Variants in MPND observed in about 807,000 individuals in gnomAD.
MPND encodes MPN domain-containing protein.
MPND carries 56 observed loss-of-function variants against 59.2 expected under a neutral mutation model. The ratio of observed to expected loss-of-function variants is 0.95; its 90% confidence interval spans 0.76 to 1.18. MPND has a LOEUF of 1.18. Ranked by LOEUF, MPND falls within the 50% of genes most tolerant of loss-of-function variation. The probability of loss-of-function intolerance (pLI) is 0.00; values close to 1 mark genes in which losing one functional copy is unlikely to be tolerated. For missense variants in MPND, 671 were observed against 676.0 expected, an observed-to-expected ratio of 0.99 and a Z score of 0.08; for synonymous variants, 323 against 291.9, an observed-to-expected ratio of 1.11 and a Z score of -1.09.
At chr19:4,356,038 G>T (rs1215049952) in intron 8 of MPND, among the ~76,000 whole-genome samples, 1 of 150,760 alleles carries the variant, frequency 6.6e-6, no homozygotes, top group African/African-American at 2.4e-5. Flanking sequence ...ATTTTTAGTT[G>T]AGACAGGGTT....
chr19:4,359,530 C>A (rs1296047361), intron 12 of MPND, among the ~76,000 whole-genome samples: 6 of 152,130 alleles, frequency 3.9e-5, no homozygotes, highest in Admixed American at 1.3e-4. Context: ...TCCTGGCCAC[C>A]CCTGAGTGTC....
chr19:4,359,317 T>C, intron 12 of MPND, 62 bp downstream of exon 12: 1 of 1,289,978 alleles, frequency 7.8e-7, no homozygotes, highest in South Asian at 1.2e-5. Flanking sequence ...CTGGGCAGCC[T>C]AAAAGGTGGC....
At position 4,358,250 on chromosome 19, in the gene MPND, C is replaced by T. The variant is rs934381443; in HGVS notation, c.1326+78C>T. ...CACGATGCGTTGGTCTGCTTCCCACCGGTGGGCTTGGGAAGCTATGGCTGG... is the reference window on the plus strand; with the variant it reads ...CACGATGCGTTGGTCTGCTTCCCACTGGTGGGCTTGGGAAGCTATGGCTGG... On this transcript the variant is annotated intron_variant, in intron 11 of 12. Coordinates refer to ENST00000599840, the MANE Select transcript of MPND (RefSeq NM_001300862.2). 95 of 1,325,354 alleles carry T rather than the reference C, an allele frequency of 7.2e-5. No homozygotes were observed. In the East Asian group the frequency reaches 9.8e-4, roughly 14 times the overall value. 82.1% of individuals were successfully genotyped at this position (1,325,354 alleles called of 1,614,324 possible).
At chr19:4,359,811 C>A in intron 12 of MPND, 105 bp from the exon 13 acceptor site, 1 of 885,304 alleles carries the variant, frequency 1.1e-6, no homozygotes. Flanking sequence ...GTGCCTCGGT[C>A]TCAGGGGGGC....
At chr19:4,353,810 A>C in intron 4 of MPND, 1 of 479,270 alleles carries the variant, frequency 2.1e-6, no homozygotes. Flanking sequence ...CAATCCTCTC[A>C]CCTCAGCTTC....
At chr19:4,359,130 G>A in intron 11 of MPND, 33 bp from the exon 12 acceptor site, 14 of 1,514,598 alleles carry the variant, frequency 9.2e-6, no homozygotes, top group Non-Finnish European at 1.2e-5. Flanking sequence ...GGCTTGGAGG[G>A]AGCCTGGGAG....
At chr19:4,348,602 A>G (rs1252753064) in intron 3 of MPND, 4 of 151,368 alleles carry the variant, frequency 2.6e-5, no homozygotes, top group Non-Finnish European at 5.9e-5. Context: ...TTTTATCGTA[A>G]TCATCACTGA....
intron 2 of MPND, among the ~76,000 whole-genome samples, chr19:4,345,044 T>TTTG (rs1972154834): frequency 8.1e-6 from 1 of 123,938 alleles, no homozygotes; most frequent in Non-Finnish European, 1.7e-5. Context: ...CCCGGCCTTT[T>TTTG]TTTTTTTTTT....
At chr19:4,359,784 T>C in intron 12 of MPND, 132 bp from the exon 13 acceptor site, 1 of 662,400 alleles carries the variant, frequency 1.5e-6, no homozygotes. Context: ...CAGGCTGTGC[T>C]GCGGGACCCC....
Position 4,354,063 on chromosome 19 carries a change from A to G in MPND, c.683A>G (p.Lys228Arg). ...PAHPEATTPG[K>R]RVDSKIRVPV... is the part of the protein sequence containing the mutation. Reference sequence around the variant, plus strand: ...CTCCCAGAGGCCACAACCCCAGGGAAGCGGGTGGACAGCAAGATCCGGGTT... The same window carrying G: ...CTCCCAGAGGCCACAACCCCAGGGAGGCGGGTGGACAGCAAGATCCGGGTT... The change falls in exon 5 of 13, where the codon AAG becomes AGG. Residue 228 changes from lysine to arginine, a missense_variant. Coordinates refer to ENST00000599840, the MANE Select transcript of MPND (RefSeq NM_001300862.2). 1 of 1,613,282 alleles carries G rather than the reference A, an allele frequency of 6.2e-7. No homozygotes were observed. Among genetic ancestry groups the G allele is most frequent in the Non-Finnish European group, 8.5e-7 (1 of 1,179,336 alleles).
chr19:4,354,814 A>G, intron 6 of MPND, 135 bp from the exon 7 acceptor site: 1 of 870,942 alleles, frequency 1.1e-6, no homozygotes, highest in South Asian at 1.8e-5. Flanking sequence ...CGGTGAGCCA[A>G]GATCGTGCCA....
chr19:4,355,419 T>C (rs545673067), intron 8 of MPND, among the ~76,000 whole-genome samples: 2 of 144,356 alleles, frequency 1.4e-5, no homozygotes, highest in South Asian at 4.4e-4. Flanking sequence ...CCCTGCAAGC[T>C]CCGCCTCCCG....
intron 8 of MPND, among the ~76,000 whole-genome samples, chr19:4,355,759 G>A (rs1251093088): frequency 6.6e-5 from 10 of 150,702 alleles, no homozygotes; most frequent in Non-Finnish European, 1.5e-4. Flanking sequence ...GTGAGCCACC[G>A]TGCCTGGTCA....
At chr19:4,357,230 C>T (rs1460105834) in intron 8 of MPND, 23 bp from the exon 9 acceptor site, 13 of 1,563,492 alleles carry the variant, frequency 8.3e-6, no homozygotes, top group Non-Finnish European at 1.1e-5. Context: ...CCTGTGCCCG[C>T]TGAGCTGCGC....
In MPND at chr19:4,360,046, A is replaced by T. The variant is rs1299791140; in HGVS notation, c.*44A>T. The T allele has an allele frequency of 6.6e-7, 1 of 1,504,794 alleles. No homozygotes were observed. Among genetic ancestry groups the T allele is most frequent in the African/African-American group, 1.4e-5 (1 of 71,882 alleles). 93.2% of individuals were successfully genotyped at this position (1,504,794 alleles called of 1,614,324 possible). A position where few individuals can be genotyped will look rare whatever the true frequency, so the allele number is the denominator to read the frequency against. ...GGCTCCAGTTGTCTTGAGGGTCCGG[A>T]TGGGCTCAGGTAATAAAGAAACGGA... On this transcript the variant is annotated 3_prime_UTR_variant, in exon 13 of 13. Transcript: ENST00000599840.
chr19:4,358,042 G>A (rs756744459), intron 10 of MPND, 41 bp from the exon 11 acceptor site: 31 of 1,506,864 alleles, frequency 2.1e-5, no homozygotes, highest in African/African-American at 5.5e-5. Flanking sequence ...CATGGGCTGC[G>A]GGCTGGTGAG....
At chr19:4,344,105 G>A (rs1451045186) in intron 2 of MPND, 111 bp downstream of exon 2, 4 of 802,662 alleles carry the variant, frequency 5.0e-6, no homozygotes, top group Non-Finnish European at 6.6e-6. Flanking sequence ...GGACACTGAG[G>A]CCCGGAGCTC....
intron 8 of MPND, 39 bp from the exon 9 acceptor site, chr19:4,357,214 C>G: frequency 6.4e-7 from 1 of 1,551,610 alleles, no homozygotes. Flanking sequence ...TAGAGCCGTT[C>G]AGGCCCCTGT....
intron 3 of MPND, among the ~76,000 whole-genome samples, chr19:4,349,914 C>G (rs1568396495): frequency 6.6e-6 from 1 of 152,208 alleles, no homozygotes; most frequent in Non-Finnish European, 1.5e-5. Flanking sequence ...CATTAAATTA[C>G]CAGGCACTCT....
Sources: gnomAD v4.1 joint callset for allele counts (sites outside exome capture counted in the v4.1 genomes callset) on GRCh38, gnomAD v4.1.1 for gene constraint, MANE v1.5 for transcripts, NCBI Gene and HGNC (gene_info 2026-07-23, HGNC 2026-07-21) for gene names.